Variants in LGR4 observed in about 807,000 individuals in gnomAD.
The protein encoded by LGR4 is leucine-rich repeat-containing G protein-coupled receptor 4.
In LGR4, 44 loss-of-function variants were observed where a neutral mutation model predicts 84.8. That is an observed-to-expected ratio of 0.52 (90% CI 0.41 to 0.67). LGR4 has a LOEUF of 0.67. Among genes scored for constraint, LGR4 ranks in the 30% least tolerant of loss-of-function variants. LGR4 has a pLI of 0.00. For synonymous variants in LGR4, 429 were observed against 434.3 expected (o/e 0.99, Z 0.15); for missense variants, 1,032 against 1,131.4 (o/e 0.91, Z 1.26).
At chr11:27,383,062 G>A (rs1248118301) in intron 6 of LGR4, among the ~76,000 whole-genome samples, 2 of 151,922 alleles carry the variant, frequency 1.3e-5, no homozygotes. Context: ...GAAGGACCAG[G>A]GTAGATTCAC....
intron 1 of LGR4, among the ~76,000 whole-genome samples, chr11:27,418,104 G>A (rs1213154973): frequency 6.6e-6 from 1 of 152,106 alleles, no homozygotes; most frequent in Non-Finnish European, 1.5e-5. Flanking sequence ...GGATAGTAAG[G>A]CTTTTATGTC....
chr11:27,390,092 T>C (rs1863255431), intron 4 of LGR4, among the ~76,000 whole-genome samples: 1 of 152,220 alleles, frequency 6.6e-6, no homozygotes, highest in Admixed American at 6.6e-5. Context: ...CATTAACTAC[T>C]AGAATATCTA....
At chr11:27,461,679 T>A (rs1314922488) in intron 1 of LGR4, among the ~76,000 whole-genome samples, 2 of 151,974 alleles carry the variant, frequency 1.3e-5, no homozygotes, top group African/African-American at 4.8e-5. Flanking sequence ...TAGTATATTT[T>A]ATGTGTGGCC....
At chr11:27,419,313 A>T (rs1863879055) in intron 1 of LGR4, among the ~76,000 whole-genome samples, 1 of 152,046 alleles carries the variant, frequency 6.6e-6, no homozygotes, top group South Asian at 2.1e-4. Context: ...ACATGAAAAG[A>T]TGTTCATAGT....
At position 27,472,422 on chromosome 11, in the gene LGR4, G is replaced by C. The variant is rs1864897433; in HGVS notation, c.-120C>G. On this transcript the variant is annotated 5_prime_UTR_variant, in exon 1 of 18. Coordinates refer to ENST00000379214, the MANE Select transcript of LGR4 (RefSeq NM_018490.5). ...GGCTGGAGCGGGGGTCTCTTCCTCG[G>C]CGGTCCGCGCGGGCTCGGCCCCTTC... 1.4e-6 allele frequency: 1 copy of C among 730,354 alleles called. No homozygotes were observed. The highest frequency in any genetic ancestry group is 4.5e-5 in the Admixed American group (1 of 22,256). The allele number at this position is 730,354 out of a possible 1,614,324, so 45.2% of individuals were successfully genotyped here.
Position 27,377,209 on chromosome 11 carries a change from T to C in LGR4, c.1058A>G (p.Asn353Ser), listed in dbSNP as rs1194018717. Residue 353 changes from asparagine to serine, a missense_variant, in exon 12 of 18, where the codon AAT (asparagine) becomes AGT (serine). Transcript: ENST00000379214. ...KMLRTLDLSYNNIRDLPSFNG... is the reference protein window; with the variant it reads ...KMLRTLDLSYSNIRDLPSFNG... Reference sequence around the variant, plus strand: ...AAAACTTGGAAGGTCTCTTATATTATTGTAAGACAAGTCCCTTAAAACAAT... The same window carrying C: ...AAAACTTGGAAGGTCTCTTATATTACTGTAAGACAAGTCCCTTAAAACAAT... 3 of 1,556,026 alleles carry C rather than the reference T, an allele frequency of 1.9e-6. No homozygotes were observed. Among genetic ancestry groups the C allele is most frequent in the African/African-American group, 2.7e-5 (2 of 73,642 alleles).
rs1404877217 is a variant in LGR4, at chr11:27,367,773, T to C, written c.*94A>G. 5 of 904,554 alleles carry C rather than the reference T, an allele frequency of 5.5e-6. No homozygotes were observed. The highest frequency in any genetic ancestry group is 8.4e-6 in the Non-Finnish European group (5 of 592,756). 56.0% of individuals were successfully genotyped at this position (904,554 alleles called of 1,614,324 possible). A position where few individuals can be genotyped will look rare whatever the true frequency, so the allele number is the denominator to read the frequency against. On this transcript the variant is annotated 3_prime_UTR_variant, in exon 18 of 18. Coordinates refer to ENST00000379214, the MANE Select transcript of LGR4 (RefSeq NM_018490.5). ...CTTCTAAGTGACACCAGGCAGTGAT[T>C]ACAGAAGTGCTTCCCAGATGAAAGA...
At chr11:27,452,738 C>T (rs990279888) in intron 1 of LGR4, among the ~76,000 whole-genome samples, 3 of 150,562 alleles carry the variant, frequency 2.0e-5, no homozygotes, top group African/African-American at 7.3e-5. Flanking sequence ...ATTCTCCTGC[C>T]TCAGCCTCCC....
At chr11:27,378,866 G>A (rs1863037788) in intron 10 of LGR4, 98 bp from the exon 11 acceptor site, 3 of 799,968 alleles carry the variant, frequency 3.8e-6, no homozygotes, top group Non-Finnish European at 6.3e-6. Flanking sequence ...TTTACATATG[G>A]ACTAGATTCT....
Position 27,367,255 on chromosome 11 carries a change from A to G in LGR4, c.*612T>C, listed in dbSNP as rs544640748. On this transcript the variant is annotated 3_prime_UTR_variant, in exon 18 of 18. Coordinates refer to ENST00000379214, the MANE Select transcript of LGR4 (RefSeq NM_018490.5). Reference sequence around the variant, plus strand: ...TTTTTTTAACCTAACAGCTGTTAATATTGTTTTAAAAACATCTTCAGGTTT... The same window carrying G: ...TTTTTTTAACCTAACAGCTGTTAATGTTGTTTTAAAAACATCTTCAGGTTT... 2.0e-5 allele frequency: 3 copies of G among 152,542 alleles called. No individual in the cohort carries two copies. Among genetic ancestry groups the G allele is most frequent in the African/African-American group, 7.2e-5 (3 of 41,590 alleles). 9.4% of individuals were successfully genotyped at this position (152,542 alleles called of 1,614,324 possible). A position where few individuals can be genotyped will look rare whatever the true frequency, so the allele number is the denominator to read the frequency against.
In LGR4 at chr11:27,392,524, GAAAA is replaced by G. The variant is rs753491752; in HGVS notation, c.258-10_258-7del. 50 of 1,246,780 alleles carry G rather than the reference GAAAA, an allele frequency of 4.0e-5. No individual in the cohort carries two copies. The highest frequency in any genetic ancestry group is 1.0e-4 in the Admixed American group (3 of 28,654). 77.2% of individuals were successfully genotyped at this position (1,246,780 alleles called of 1,614,324 possible). A position where few individuals can be genotyped will look rare whatever the true frequency, so the allele number is the denominator to read the frequency against. ...GGTCGTTGCCCGCCAATTGTCTAGA[GAAAA>G]AAAAAAAAAAAGTAGCAAGAAAAAA... On this transcript the variant is annotated splice_region_variant and splice_polypyrimidine_tract_variant and intron_variant, in intron 2 of 17. Transcript: ENST00000379214.
chr11:27,456,209 A>G (rs1468693069), intron 1 of LGR4, among the ~76,000 whole-genome samples: 2 of 152,240 alleles, frequency 1.3e-5, no homozygotes, highest in African/African-American at 2.4e-5. Context: ...CACAGATTCA[A>G]TCATGAATAA....
intron 1 of LGR4, among the ~76,000 whole-genome samples, chr11:27,437,953 T>C (rs1044944768): frequency 2.0e-5 from 3 of 151,944 alleles, no homozygotes; most frequent in African/African-American, 7.2e-5. Flanking sequence ...GAGGTTAAGA[T>C]TGCAGTGAGC....
chr11:27,427,688 A>T (rs79151739), intron 1 of LGR4, among the ~76,000 whole-genome samples: 2,138 of 152,222 alleles, frequency 0.014, 53 homozygotes, highest in African/African-American at 0.049. Flanking sequence ...GCACATTGGC[A>T]CTCTTCTCCT....
intron 1 of LGR4, among the ~76,000 whole-genome samples, chr11:27,443,849 C>T (rs888456366): frequency 6.6e-6 from 1 of 152,144 alleles, no homozygotes; most frequent in Non-Finnish European, 1.5e-5. Context: ...AAAAAGACGG[C>T]CCAATAATTG....
Position 27,368,192 on chromosome 11 carries a change from T to C in LGR4, c.2531A>G (p.Asp844Gly), listed in dbSNP as rs34804482. 0.02 allele frequency: 31,846 copies of C among 1,614,164 alleles called. 398 individuals are homozygous for C. Among genetic ancestry groups the C allele is most frequent in the Non-Finnish European group, 0.025 (28,958 of 1,180,016 alleles). Residue 844 changes from aspartate to glycine, a missense_variant, in exon 18 of 18, where the codon GAC becomes GGC. Physicochemically the swap from Asp to Gly is moderately conservative, Grantham distance 94. Coordinates refer to ENST00000379214, the MANE Select transcript of LGR4 (RefSeq NM_018490.5). ...CTGCAAATGTGAGTACATGCCACAG[T>C]CGTAGTAGAAATCCTGTTCCAGACA... The part of the protein sequence containing the change: ...GGCLEQDFYY[D>G]CGMYSHLQGN...
In LGR4 at chr11:27,367,816, C is replaced by T; in HGVS notation, c.*51G>A. 1 of 1,364,516 alleles carries T rather than the reference C, an allele frequency of 7.3e-7. No individual in the cohort carries two copies. The highest frequency in any genetic ancestry group is 1.0e-6 in the Non-Finnish European group (1 of 993,898). The allele number at this position is 1,364,516 out of a possible 1,614,324, so 84.5% of individuals were successfully genotyped here. A position where few individuals can be genotyped will look rare whatever the true frequency, so the allele number is the denominator to read the frequency against. Reference sequence around the variant, plus strand: ...ATGAAAGATGAGAATAGGGTTCACTCTATAAACACTGATTTTGGTTGACGG... The same window carrying T: ...ATGAAAGATGAGAATAGGGTTCACTTTATAAACACTGATTTTGGTTGACGG... On this transcript the variant is annotated 3_prime_UTR_variant, in exon 18 of 18. Transcript: ENST00000379214.
At position 27,385,258 on chromosome 11, in the gene LGR4, T is replaced by C. The variant is rs1299790753; in HGVS notation, c.612A>G (p.Val204=). The C allele has an allele frequency of 6.4e-7, 1 of 1,560,226 alleles. No individual in the cohort carries two copies. The highest frequency in any genetic ancestry group is 2.3e-5 in the East Asian group (1 of 43,386). ...DFAFTNLSSL[V]VLHLHNNKIR... is the part of the protein sequence containing the mutation. ...TAAAAGGGATAGATACTTACAGAAC[T>C]ACCAGGCTTGAAAGGTTGGTAAATG... The change falls in exon 5 of 18, where the codon GTA becomes GTG. Residue 204 remains valine, a synonymous_variant. Transcript: ENST00000379214.
rs1299274201 is a variant in LGR4, at chr11:27,366,790, T to TA, written c.*1076dup. ...CTGAGCTATTGAATAGGCTCTTTTA[T>TA]AAAAAATAGTATGGGGAAGATGTAT... On this transcript the variant is annotated 3_prime_UTR_variant, in exon 18 of 18. Coordinates refer to ENST00000379214, the MANE Select transcript of LGR4 (RefSeq NM_018490.5). The TA allele has an allele frequency of 1.3e-5, 2 of 152,192 alleles. No individual in the cohort carries two copies. The highest frequency in any genetic ancestry group is 2.4e-5 in the African/African-American group (1 of 41,446). 9.4% of individuals were successfully genotyped at this position (152,192 alleles called of 1,614,324 possible).
Sources: gnomAD v4.1 joint callset for allele counts (sites outside exome capture counted in the v4.1 genomes callset) on GRCh38, gnomAD v4.1.1 for gene constraint, MANE v1.5 for transcripts, NCBI Gene and HGNC (gene_info 2026-07-23, HGNC 2026-07-21) for gene names.